Variants in CFAP95 observed in about 807,000 individuals in gnomAD.
CFAP95 encodes the protein cilia- and flagella-associated protein 95.
chr9:69,824,368 A>T, the CFAP95 span, among the ~76,000 whole-genome samples: 2,827 of 152,292 alleles, frequency 0.019, 45 homozygotes, highest in Non-Finnish European at 0.025. Flanking sequence ...TTTATTTGTA[A>T]GTCAAAATTA....
the CFAP95 span, among the ~76,000 whole-genome samples, chr9:69,821,718 T>C: frequency 6.6e-6 from 1 of 151,942 alleles, no homozygotes; most frequent in African/African-American, 2.4e-5. Context: ...CCAACAGACA[T>C]TGTTTGGCAT....
the CFAP95 span, among the ~76,000 whole-genome samples, chr9:69,879,943 C>T: frequency 6.6e-6 from 1 of 151,998 alleles, no homozygotes; most frequent in Non-Finnish European, 1.5e-5. Flanking sequence ...TCTCACATCA[C>T]ACTGTATATA....
chr9:69,882,877 A>C, the CFAP95 span, among the ~76,000 whole-genome samples: 2 of 152,284 alleles, frequency 1.3e-5, no homozygotes, highest in African/African-American at 2.4e-5. Context: ...TTTGTGCATC[A>C]ATATTCATTA....
the CFAP95 span, among the ~76,000 whole-genome samples, chr9:69,861,757 A>T: frequency 6.8e-6 from 1 of 147,308 alleles, no homozygotes; most frequent in South Asian, 2.1e-4. Context: ...AAAAAAACAC[A>T]ACATTTTCTT....
the CFAP95 span, among the ~76,000 whole-genome samples, chr9:69,882,198 T>A: frequency 6.6e-6 from 1 of 152,126 alleles, no homozygotes; most frequent in African/African-American, 2.4e-5. Context: ...CCCAGGCTGG[T>A]CTTGAACTCC....
At chr9:69,843,616 T>G in the CFAP95 span, among the ~76,000 whole-genome samples, 1,490 of 70,472 alleles carry the variant, frequency 0.021, 129 homozygotes, top group South Asian at 0.043. Context: ...CTTCTTCTTC[T>G]TCTTCTTCTT....
At chr9:69,845,539 A>G in the CFAP95 span, among the ~76,000 whole-genome samples, 14 of 152,344 alleles carry the variant, frequency 9.2e-5, no homozygotes, top group East Asian at 1.9e-4. Flanking sequence ...AAATTGTTCT[A>G]GAAGATTCTC....
At chr9:69,883,168 G>T in the CFAP95 span, among the ~76,000 whole-genome samples, 1 of 152,174 alleles carries the variant, frequency 6.6e-6, no homozygotes, top group East Asian at 1.9e-4. Context: ...ACAAAAAGTG[G>T]CTCAACAGTC....
chr9:69,886,416 G>T, the CFAP95 span, among the ~76,000 whole-genome samples: 1 of 152,140 alleles, frequency 6.6e-6, no homozygotes, highest in Non-Finnish European at 1.5e-5. Flanking sequence ...AAGAAGAAAA[G>T]AAAAATCCAT....
the CFAP95 span, among the ~76,000 whole-genome samples, chr9:69,890,071 A>G: frequency 6.6e-6 from 1 of 152,216 alleles, no homozygotes; most frequent in Non-Finnish European, 1.5e-5. Context: ...CAGAAAAACC[A>G]CAAGGAAAGA....
the CFAP95 span, among the ~76,000 whole-genome samples, chr9:69,887,589 A>G: frequency 6.6e-6 from 1 of 152,232 alleles, no homozygotes; most frequent in Admixed American, 6.5e-5. Context: ...ATTATTAGCA[A>G]CACAAATTCA....
At chr9:69,862,844 A>G in the CFAP95 span, among the ~76,000 whole-genome samples, 14 of 152,174 alleles carry the variant, frequency 9.2e-5, no homozygotes, top group Non-Finnish European at 1.3e-4. Context: ...AATGTGAAGA[A>G]GACATAACAC....
chr9:69,873,801 G>A, the CFAP95 span, among the ~76,000 whole-genome samples: 1 of 152,138 alleles, frequency 6.6e-6, no homozygotes, highest in African/African-American at 2.4e-5. Context: ...GATCTTTAAG[G>A]TTTCTTTGAG....
the CFAP95 span, among the ~76,000 whole-genome samples, chr9:69,880,556 C>T: frequency 1.3e-5 from 2 of 152,120 alleles, 1 homozygote; most frequent in East Asian, 3.9e-4. Context: ...TATCCATTCA[C>T]CTGTTGATGA....
chr9:69,875,256 G>C, the CFAP95 span, among the ~76,000 whole-genome samples: 2 of 151,888 alleles, frequency 1.3e-5, no homozygotes, highest in African/African-American at 4.8e-5. Context: ...CAATCACAAA[G>C]AGTTGGTGAG....
At chr9:69,859,060 G>A in the CFAP95 span, among the ~76,000 whole-genome samples, 10 of 152,156 alleles carry the variant, frequency 6.6e-5, no homozygotes, top group Non-Finnish European at 1.3e-4. Flanking sequence ...TGATGCATAC[G>A]TACTAAATTC....
the CFAP95 span, among the ~76,000 whole-genome samples, chr9:69,845,052 G>A: frequency 6.6e-6 from 1 of 152,160 alleles, no homozygotes; most frequent in Non-Finnish European, 1.5e-5. Context: ...CACAGCTAGG[G>A]CGTGGAAGAG....
At chr9:69,837,557 C>T in the CFAP95 span, among the ~76,000 whole-genome samples, 26 of 152,080 alleles carry the variant, frequency 1.7e-4, no homozygotes, top group South Asian at 4.1e-4. Flanking sequence ...TCATGTCCTT[C>T]GCCCACTTTT....
At chr9:69,839,137 A>C in the CFAP95 span, among the ~76,000 whole-genome samples, 1 of 60,602 alleles carries the variant, frequency 1.7e-5, no homozygotes, top group African/African-American at 6.1e-5. Context: ...TCGTTTTGCC[A>C]GTATTTTATT....
Sources: allele counts gnomAD v4.1 joint callset (sites outside exome capture counted in the v4.1 genomes callset), GRCh38; gene constraint gnomAD v4.1.1; transcripts MANE v1.5; gene names NCBI Gene and HGNC (gene_info 2026-07-23, HGNC 2026-07-21).